Variants in COL14A1 observed in about 807,000 individuals in gnomAD.
The protein encoded by COL14A1 is collagen alpha-1(XIV) chain.
In COL14A1, 136 loss-of-function variants were observed where a neutral mutation model predicts 230.3. That is an observed-to-expected ratio of 0.59 (90% CI 0.51 to 0.68). The LOEUF (loss-of-function observed/expected upper bound fraction) is 0.68. Ranked by LOEUF, COL14A1 falls within the 30% of genes least tolerant of loss-of-function variation. The pLI, the probability that COL14A1 is intolerant of heterozygous loss-of-function variation, is 0.00. For missense variants in COL14A1, 1,976 were observed against 2,215.8 expected, an observed-to-expected ratio of 0.89 and a Z score of 2.17; for synonymous variants, 792 against 784.1, an observed-to-expected ratio of 1.01 and a Z score of -0.17.
chr8:120,172,562 T>C (rs2130599902), intron 5 of COL14A1, among the ~76,000 whole-genome samples: 1 of 152,244 alleles, frequency 6.6e-6, no homozygotes, highest in East Asian at 1.9e-4. Flanking sequence ...TCACAGCATG[T>C]CTTAAGGGTG....
intron 22 of COL14A1, 48 bp downstream of exon 22, chr8:120,250,814 G>C: frequency 6.2e-7 from 1 of 1,604,858 alleles, no homozygotes; most frequent in Non-Finnish European, 8.5e-7. Flanking sequence ...TTTTTGTTTT[G>C]TTTTGTTTTT....
chr8:120,230,506 G>A (rs1387338080), intron 18 of COL14A1, among the ~76,000 whole-genome samples: 1 of 151,816 alleles, frequency 6.6e-6, no homozygotes, highest in South Asian at 2.1e-4. Context: ...GTTGGGTCCT[G>A]CTTCCCTTCC....
intron 33 of COL14A1, among the ~76,000 whole-genome samples, chr8:120,286,390 G>A (rs1314292533): frequency 6.6e-6 from 1 of 152,088 alleles, no homozygotes; most frequent in Non-Finnish European, 1.5e-5. Flanking sequence ...ATAACTGATT[G>A]CACCAATACT....
At chr8:120,359,562 C>A (rs1823117224) in intron 45 of COL14A1, among the ~76,000 whole-genome samples, 1 of 152,196 alleles carries the variant, frequency 6.6e-6, no homozygotes, top group Non-Finnish European at 1.5e-5. Flanking sequence ...TAGAAATTGG[C>A]TCCTTTTCCC....
At chr8:120,175,540 A>C (rs1430198826) in intron 5 of COL14A1, among the ~76,000 whole-genome samples, 1 of 152,132 alleles carries the variant, frequency 6.6e-6, no homozygotes, top group African/African-American at 2.4e-5. Context: ...GATGAGCTTA[A>C]ATTATTCTTT....
chr8:120,255,440 G>A, intron 23 of COL14A1, 84 bp downstream of exon 23: 1 of 1,036,298 alleles, frequency 9.6e-7, no homozygotes, highest in Admixed American at 1.7e-5. Flanking sequence ...CACACAAGTA[G>A]CATTAGACAA....
At chr8:120,359,801 CA>C (rs1260749304) in intron 45 of COL14A1, among the ~76,000 whole-genome samples, 1 of 152,144 alleles carries the variant, frequency 6.6e-6, no homozygotes, top group Non-Finnish European at 1.5e-5. Context: ...CACTCACCTG[CA>C]GTTGTGAATG....
At chr8:120,154,525 C>T (rs543698345) in intron 2 of COL14A1, among the ~76,000 whole-genome samples, 1 of 152,268 alleles carries the variant, frequency 6.6e-6, no homozygotes, top group East Asian at 1.9e-4. Flanking sequence ...TCAGTCTTCC[C>T]CCTCAGTCTC....
intron 35 of COL14A1, 69 bp from the exon 36 acceptor site, chr8:120,300,663 C>A: frequency 8.6e-7 from 1 of 1,164,162 alleles, no homozygotes; most frequent in Non-Finnish European, 1.3e-6. Context: ...AAACTGTTTT[C>A]TTTGAGCCAG....
intron 17 of COL14A1, among the ~76,000 whole-genome samples, chr8:120,227,713 T>C (rs1161767180): frequency 1.3e-5 from 2 of 152,176 alleles, no homozygotes; most frequent in Non-Finnish European, 2.9e-5. Flanking sequence ...ATGAATAGAT[T>C]GCCAAACAAA....
At chr8:120,166,150 G>T (rs536362341) in intron 4 of COL14A1, among the ~76,000 whole-genome samples, 1 of 152,120 alleles carries the variant, frequency 6.6e-6, no homozygotes, top group Non-Finnish European at 1.5e-5. Flanking sequence ...AGTAACTCCC[G>T]AGTAGAGACT....
chr8:120,277,714 A>C (rs1819897684), intron 26 of COL14A1: 1 of 152,694 alleles, frequency 6.5e-6, no homozygotes, highest in South Asian at 2.1e-4. Flanking sequence ...CATCGAGTAC[A>C]CACGGACGTA....
chr8:120,134,283 A>G (rs1814638584), intron 1 of COL14A1, among the ~76,000 whole-genome samples: 1 of 152,116 alleles, frequency 6.6e-6, no homozygotes, highest in East Asian at 1.9e-4. Context: ...CATATTATAA[A>G]GTTTTGATAT....
At chr8:120,279,346 G>A (rs10093029) in intron 28 of COL14A1, among the ~76,000 whole-genome samples, 98,296 of 150,904 alleles carry the variant, frequency 0.65, 32,845 homozygotes, top group African/African-American at 0.82. Context: ...TTGATTGAAT[G>A]TATATATATA....
In COL14A1 at chr8:120,372,836, G is replaced by A. The variant is rs1812204651; in HGVS notation, c.*1605G>A. Among the ~76,000 whole-genome samples the A allele has an allele frequency of 6.6e-6, 1 of 151,982 alleles. No individual in the cohort carries two copies. The highest frequency in any genetic ancestry group is 2.1e-4 in the South Asian group (1 of 4,820). On this transcript the variant is annotated 3_prime_UTR_variant, in exon 48 of 48. Transcript: ENST00000297848. ...TTGGTGGGGTGGGGCAGGGGCGGGG[G>A]GCGGTTCTAAACAAATCAGTTTTTT...
chr8:120,342,482 A>G (rs1303408167), intron 44 of COL14A1, 36 bp downstream of exon 44: 2 of 1,591,516 alleles, frequency 1.3e-6, no homozygotes, highest in African/African-American at 1.3e-5. Flanking sequence ...TGTTCCCCAT[A>G]ACAAACTCTC....
chr8:120,326,745 G>C (rs1325921766), intron 40 of COL14A1, among the ~76,000 whole-genome samples: 2 of 152,168 alleles, frequency 1.3e-5, no homozygotes, highest in African/African-American at 4.8e-5. Flanking sequence ...TTTGTTCTTG[G>C]TTGGGTGCAG....
chr8:120,168,275 T>C (rs763937822), intron 5 of COL14A1, 28 bp downstream of exon 5: 13 of 1,507,354 alleles, frequency 8.6e-6, no homozygotes, highest in Middle Eastern at 1.7e-4. Context: ...TTAACTCATA[T>C]TGGGAGTTGG....
chr8:120,125,039 C>G (rs942490530), upstream of COL14A1: 1 of 152,294 alleles, frequency 6.6e-6, no homozygotes, highest in Admixed American at 6.5e-5. Flanking sequence ...CCTCCCACCT[C>G]CCCACCTCCC....
Sources: allele counts gnomAD v4.1 joint callset (sites outside exome capture counted in the v4.1 genomes callset), GRCh38; gene constraint gnomAD v4.1.1; transcripts MANE v1.5; gene names NCBI Gene and HGNC (gene_info 2026-07-23, HGNC 2026-07-21).